The following PRSS23 variants were observed in gnomAD, a reference collection of about 807,000 sequenced individuals.
PRSS23 encodes the protein serine protease 23.
In PRSS23, 25 loss-of-function variants were observed where a neutral mutation model predicts 34.7. The ratio of observed to expected loss-of-function variants is 0.72; its 90% CI spans 0.53 to 1.01. The LOEUF (loss-of-function observed/expected upper bound fraction) is 1.01, where lower values mean the gene tolerates loss of function less well. PRSS23 is among the 50% of genes least tolerant of loss of function. The pLI is 0.00. For synonymous variants in PRSS23, 176 were observed against 186.6 expected (o/e 0.94, Z 0.46); for missense variants, 445 against 475.6 (o/e 0.94, Z 0.60).
chr11:86,888,418 G>T (rs1224574712), intron 2 of PRSS23, among the ~76,000 whole-genome samples: 14 of 152,236 alleles, frequency 9.2e-5, no homozygotes, highest in African/African-American at 3.4e-4. Flanking sequence ...CAACAACTGG[G>T]GGTAAATCCT....
intron 2 of PRSS23, among the ~76,000 whole-genome samples, chr11:86,847,489 A>G (rs1948496362): frequency 6.6e-6 from 1 of 152,156 alleles, no homozygotes; most frequent in Non-Finnish European, 1.5e-5. Flanking sequence ...GCTCAGGAAA[A>G]GCGGCCATGA....
downstream of PRSS23, among the ~76,000 whole-genome samples, chr11:86,815,013 A>C (rs1948205388): frequency 6.6e-6 from 1 of 152,226 alleles, no homozygotes. Context: ...CCTGTCTTCC[A>C]TAAAGAGCAA....
intron 2 of PRSS23, among the ~76,000 whole-genome samples, chr11:86,915,938 C>A (rs2134998163): frequency 6.6e-6 from 1 of 152,030 alleles, no homozygotes; most frequent in South Asian, 2.1e-4. Flanking sequence ...ACCTGTAATC[C>A]CAGCTACTCA....
chr11:86,868,302 C>CTTTT (rs1948663867), intron 2 of PRSS23, among the ~76,000 whole-genome samples: 1 of 152,166 alleles, frequency 6.6e-6, no homozygotes, highest in African/African-American at 2.4e-5. Flanking sequence ...AAAGAGAAAA[C>CTTTT]TGTTCTTCAT....
At chr11:86,935,604 A>G (rs1347883308) in intron 2 of PRSS23, 1 of 152,190 alleles carries the variant, frequency 6.6e-6, no homozygotes, top group Non-Finnish European at 1.5e-5. Context: ...ATTACTAAAC[A>G]CATACTGTTA....
chr11:86,839,725 A>C (rs1346523544), intron 2 of PRSS23, among the ~76,000 whole-genome samples: 2 of 151,840 alleles, frequency 1.3e-5, no homozygotes, highest in East Asian at 3.9e-4. Flanking sequence ...CCCAGAAAGG[A>C]AAGTGCATCA....
chr11:86,799,132 C>T (rs185706783), upstream of PRSS23, among the ~76,000 whole-genome samples: 411 of 152,188 alleles, frequency 2.7e-3, 8 homozygotes, highest in Admixed American at 0.021. Flanking sequence ...GTGACTCACG[C>T]GTGTAATACT....
chr11:86,886,072 T>C (rs1948800137), intron 2 of PRSS23, among the ~76,000 whole-genome samples: 1 of 152,180 alleles, frequency 6.6e-6, no homozygotes, highest in Non-Finnish European at 1.5e-5. Flanking sequence ...CTCACATAAT[T>C]TGTGCAACAG....
intron 2 of PRSS23, chr11:86,950,203 A>T (rs1025232427): frequency 5.2e-5 from 8 of 152,648 alleles, no homozygotes; most frequent in African/African-American, 1.9e-4. Context: ...GTCTGCATAG[A>T]TGCAATCACA....
intron 2 of PRSS23, among the ~76,000 whole-genome samples, chr11:86,901,406 C>G (rs1394698411): frequency 3.9e-5 from 6 of 152,126 alleles, no homozygotes. Flanking sequence ...GCTGTCGGAA[C>G]TGAAAGAGTA....
At chr11:86,841,356 G>GAA (rs1948446537) in intron 2 of PRSS23, among the ~76,000 whole-genome samples, 1 of 93,922 alleles carries the variant, frequency 1.1e-5, no homozygotes, top group Admixed American at 1.1e-4. Context: ...AAAAAAAGAA[G>GAA]AAGAAAAAAA....
chr11:86,931,682 A>C (rs1278518007), intron 2 of PRSS23, among the ~76,000 whole-genome samples: 1 of 152,166 alleles, frequency 6.6e-6, no homozygotes, highest in East Asian at 1.9e-4. Flanking sequence ...CAACTGTCAA[A>C]ACTTATCAAA....
At position 86,821,602 on chromosome 11, in the gene PRSS23, C is replaced by T. The variant is rs1031392215; in HGVS notation, c.-11-1775C>T. ...GTCCGTTTAGCTCAAGACAGAATTC[C>T]CTTAAATGTTCATACTTCCATAACT... On this transcript the variant is annotated intron_variant, in intron 1 of 2. Coordinates refer to the PRSS23 transcript ENST00000533902. 54 of 1,604,958 alleles carry T rather than the reference C, an allele frequency of 3.4e-5. No homozygotes were observed. The Admixed American group carries it at 9.1e-4, about 27-fold the overall frequency.
intron 2 of PRSS23, among the ~76,000 whole-genome samples, chr11:86,903,265 G>GA (rs1948922313): frequency 6.6e-6 from 1 of 152,044 alleles, no homozygotes; most frequent in Non-Finnish European, 1.5e-5. Flanking sequence ...TAAAAAATAT[G>GA]ATATCCAGCA....
intron 2 of PRSS23, among the ~76,000 whole-genome samples, chr11:86,917,738 T>C (rs758792751): frequency 2.0e-5 from 3 of 152,200 alleles, no homozygotes; most frequent in Non-Finnish European, 2.9e-5. Flanking sequence ...GGAGAAAAGA[T>C]TGGACCACAT....
intron 2 of PRSS23, among the ~76,000 whole-genome samples, chr11:86,906,944 T>G (rs1373362202): frequency 6.6e-6 from 1 of 152,130 alleles, no homozygotes; most frequent in Admixed American, 6.5e-5. Context: ...TACCCGGTGA[T>G]AGATTCCGGC....
chr11:86,942,705 C>T (rs1265291691), intron 2 of PRSS23, among the ~76,000 whole-genome samples: 1 of 152,066 alleles, frequency 6.6e-6, no homozygotes, highest in Non-Finnish European at 1.5e-5. Context: ...CCCTCTTAGC[C>T]TAAAGATGAA....
intron 2 of PRSS23, among the ~76,000 whole-genome samples, chr11:86,918,093 T>G (rs182267007): frequency 2.0e-5 from 3 of 152,366 alleles, no homozygotes; most frequent in East Asian, 3.9e-4. Context: ...TACCTTTGAA[T>G]TTTAGAAAAT....
At chr11:86,820,483 A>G (rs1317512769) in intron 1 of PRSS23, among the ~76,000 whole-genome samples, 1 of 152,216 alleles carries the variant, frequency 6.6e-6, no homozygotes, top group African/African-American at 2.4e-5. Context: ...CCTTATCATT[A>G]TCATCATCCT....
Sources: allele counts gnomAD v4.1 joint callset (sites outside exome capture counted in the v4.1 genomes callset), GRCh38; gene constraint gnomAD v4.1.1; transcripts MANE v1.5; gene names NCBI Gene and HGNC (gene_info 2026-07-23, HGNC 2026-07-21).